Variants in CDH8 observed in about 807,000 individuals in gnomAD.
CDH8 encodes the protein cadherin 8.
A neutral mutation model predicts 68.1 loss-of-function variants in CDH8; 17 were observed. The observed-to-expected ratio is 0.25, with a 90% CI of 0.17 to 0.37. The LOEUF is 0.37. Among genes scored for constraint, CDH8 ranks in the 10% least tolerant of loss-of-function variants. CDH8 has a pLI of 1.00. For synonymous variants in CDH8, 372 were observed against 365.1 expected (o/e 1.02, Z -0.21); for missense variants, 763 against 999.3 (o/e 0.76, Z 3.19).
chr16:61,692,604 G>A (rs1405166593), intron 10 of CDH8: 1 of 151,248 alleles, frequency 6.6e-6, no homozygotes, highest in Non-Finnish European at 1.5e-5. Flanking sequence ...CATTGAAGGA[G>A]AATAGGTCTT....
chr16:61,790,400 A>G (rs556058843), intron 7 of CDH8, among the ~76,000 whole-genome samples: 52 of 152,200 alleles, frequency 3.4e-4, no homozygotes, highest in African/African-American at 1.2e-3. Flanking sequence ...TTTAAAGACT[A>G]CAAGGTGGAC....
intron 8 of CDH8, among the ~76,000 whole-genome samples, chr16:61,729,514 C>T (rs924143700): frequency 6.6e-6 from 1 of 151,122 alleles, no homozygotes; most frequent in African/African-American, 2.4e-5. Context: ...GTTTAACTTC[C>T]AGAATTTTGC....
intron 2 of CDH8, among the ~76,000 whole-genome samples, chr16:62,002,873 GA>G (rs1965914799): frequency 6.6e-6 from 1 of 152,148 alleles, no homozygotes; most frequent in East Asian, 1.9e-4. Context: ...CTAACACGGT[GA>G]AACCCCGTCT....
In CDH8 at chr16:61,796,117, TA is replaced by T. The variant is rs562932180; in HGVS notation, c.1278-6636del. ...TATTATTTTGTGTGAAACATAGTAC[TA>T]AAAATATGAGGAAAGGGAATAGATG... On this transcript the variant is annotated intron_variant, in intron 7 of 11. Transcript: ENST00000577390. Among the ~76,000 whole-genome samples the T allele has an allele frequency of 5.6e-3, 845 of 150,636 alleles. 6 individuals carry two copies. Among genetic ancestry groups the T allele is most frequent in the African/African-American group, 0.02 (813 of 41,038 alleles).
At chr16:61,715,981 C>T (rs1311447673) in intron 9 of CDH8, among the ~76,000 whole-genome samples, 1 of 151,654 alleles carries the variant, frequency 6.6e-6, no homozygotes, top group African/African-American at 2.4e-5. Context: ...AAAAACATTG[C>T]TTGTGAGCAA....
At chr16:61,787,834 C>G (rs1280998800) in intron 8 of CDH8, among the ~76,000 whole-genome samples, 2 of 134,768 alleles carry the variant, frequency 1.5e-5, no homozygotes, top group Admixed American at 8.2e-5. Context: ...AGTAAACTAT[C>G]GCAAGAACAA....
At position 61,661,570 on chromosome 16, in the gene CDH8, T is replaced by C. The variant is rs148075840; in HGVS notation, c.1655-5849A>G. On this transcript the variant is annotated intron_variant, in intron 10 of 11. Coordinates refer to ENST00000577390, the MANE Select transcript of CDH8 (RefSeq NM_001796.5). ...TAAATAAAGATACAATGAATCAAAA[T>C]GTGTGAGTTGCAACTAAGTGAGTCC... Among the ~76,000 whole-genome samples the C allele has an allele frequency of 9.4e-3, 1,424 of 151,890 alleles. 27 individuals carry two copies. The highest frequency in any genetic ancestry group is 0.033 in the African/African-American group (1,350 of 41,500).
At chr16:61,730,475 C>A (rs1057165319) in intron 8 of CDH8, among the ~76,000 whole-genome samples, 4 of 151,398 alleles carry the variant, frequency 2.6e-5, no homozygotes, top group Non-Finnish European at 5.9e-5. Context: ...GGTCAAAGAA[C>A]TCTTTGTAAA....
intron 9 of CDH8, among the ~76,000 whole-genome samples, chr16:61,718,545 C>A (rs572901631): frequency 1.3e-5 from 2 of 151,182 alleles, no homozygotes; most frequent in Admixed American, 1.3e-4. Flanking sequence ...AAGTTACGGT[C>A]GATGAAGAAG....
Position 62,021,289 on chromosome 16 carries a change from T to G in CDH8, c.115A>C (p.Met39Leu), listed in dbSNP as rs1471333597. ...TTTAGTTCCAAAGGGGATCCACTCA[T>G]TAAAACTTGAGACTGATTCATCGGA... ...MAPMNQSQVL[M>L]SGSPLELNSL... is the part of the protein sequence containing the mutation. Residue 39 changes from methionine (M) to leucine (L), a missense_variant, in exon 2 of 12, where the codon ATG becomes CTG. Physicochemically the swap from Met to Leu is conservative, Grantham distance 15. This residue lies in a region of CDH8 where 366 missense variants were observed against 563.1 expected (regional missense o/e 0.65). Transcript: ENST00000577390. 1.2e-6 allele frequency: 2 copies of G among 1,613,886 alleles called. No individual in the cohort carries two copies. The highest frequency in any genetic ancestry group is 1.7e-6 in the Non-Finnish European group (2 of 1,179,952).
At chr16:61,951,567 A>T (rs1964899472) in intron 2 of CDH8, among the ~76,000 whole-genome samples, 1 of 152,076 alleles carries the variant, frequency 6.6e-6, no homozygotes, top group Non-Finnish European at 1.5e-5. Flanking sequence ...ATGACAAAAC[A>T]GAACTCAAAT....
intron 4 of CDH8, among the ~76,000 whole-genome samples, chr16:61,852,428 T>C (rs553643736): frequency 6.6e-6 from 1 of 152,244 alleles, no homozygotes; most frequent in African/African-American, 2.4e-5. Context: ...TAATCATTTC[T>C]TCTTTGTTTA....
At chr16:62,034,385 C>T (rs1902402194) in intron 1 of CDH8, among the ~76,000 whole-genome samples, 1 of 152,158 alleles carries the variant, frequency 6.6e-6, no homozygotes, top group African/African-American at 2.4e-5. Flanking sequence ...CTTACATAAA[C>T]ATCTTTCCCA....
chr16:61,673,223 A>G (rs1272660565), intron 10 of CDH8, among the ~76,000 whole-genome samples: 5 of 152,002 alleles, frequency 3.3e-5, no homozygotes, highest in Admixed American at 6.6e-5. Flanking sequence ...TCATTTTATA[A>G]ATTTCTATCT....
In CDH8 at chr16:61,732,074, C is replaced by T. The variant is rs1959552178; in HGVS notation, c.1415-4859G>A. On this transcript the variant is annotated intron_variant, in intron 8 of 11. Coordinates refer to ENST00000577390, the MANE Select transcript of CDH8 (RefSeq NM_001796.5). ...AGATCAGTAGAGAATCAAAGAACAGCAGTTAAAAAAAAATAAAGAAAAATG... is the reference window on the plus strand; with the variant it reads ...AGATCAGTAGAGAATCAAAGAACAGTAGTTAAAAAAAAATAAAGAAAAATG... 3.3e-5 allele frequency among the ~76,000 whole-genome samples: 5 copies of T among 149,672 alleles called. No individual in the cohort carries two copies. The South Asian group carries it at 1.0e-3, about 31-fold the overall frequency.
intron 10 of CDH8, among the ~76,000 whole-genome samples, chr16:61,666,737 G>GA (rs1289606073): frequency 2.6e-5 from 4 of 151,758 alleles, no homozygotes; most frequent in Admixed American, 1.3e-4. Flanking sequence ...TCAAAACAAA[G>GA]AAAAAAATGC....
At chr16:61,743,919 G>C (rs1381286335) in intron 8 of CDH8, among the ~76,000 whole-genome samples, 3 of 151,758 alleles carry the variant, frequency 2.0e-5, no homozygotes, top group African/African-American at 7.3e-5. Flanking sequence ...GTTTTTCATG[G>C]GTTATTTAGA....
intron 10 of CDH8, among the ~76,000 whole-genome samples, chr16:61,661,996 A>G (rs1288718808): frequency 6.7e-6 from 1 of 150,290 alleles, no homozygotes; most frequent in Non-Finnish European, 1.5e-5. Context: ...ACTTTCAACA[A>G]TTGGGAAGAG....
chr16:61,892,759 T>A (rs1963799937), intron 3 of CDH8, among the ~76,000 whole-genome samples: 1 of 152,038 alleles, frequency 6.6e-6, no homozygotes, highest in South Asian at 2.1e-4. Context: ...AGACAGTAGA[T>A]AAATACTTGT....
Sources: gnomAD v4.1 joint callset for allele counts (sites outside exome capture counted in the v4.1 genomes callset) on GRCh38, gnomAD v4.1.1 for gene constraint, gnomAD v4.1.1 regional missense constraint, MANE v1.5 for transcripts, NCBI Gene and HGNC (gene_info 2026-07-23, HGNC 2026-07-21) for gene names.